AREL1: variants seen among roughly 807,000 people sequenced by gnomAD.
The protein encoded by AREL1 is apoptosis-resistant E3 ubiquitin protein ligase 1.
AREL1 carries 62 observed loss-of-function variants against 99.0 expected under a neutral mutation model. The observed-to-expected ratio is 0.63, with a 90% confidence interval of 0.51 to 0.77. AREL1 has a LOEUF of 0.77. Ranked by LOEUF, AREL1 falls within the 30% of genes least tolerant of loss-of-function variation. The pLI is 0.00. For missense variants in AREL1, 879 were observed against 1,027.6 expected (o/e 0.86, Z 1.98); for synonymous variants, 380 against 376.5 (o/e 1.01, Z -0.11).
chr14:74,688,019 C>CAT (rs1566693658), intron 2 of AREL1, among the ~76,000 whole-genome samples: 5 of 108,704 alleles, frequency 4.6e-5, no homozygotes, highest in South Asian at 2.9e-4. Flanking sequence ...TGAGTACTTA[C>CAT]TTTTTTTTTT....
intron 5 of AREL1, among the ~76,000 whole-genome samples, chr14:74,677,600 G>A (rs551437291): frequency 6.8e-5 from 10 of 146,926 alleles, no homozygotes; most frequent in Admixed American, 2.7e-4. Context: ...TCTGCCTGTC[G>A]GGTTCAAGCG....
intron 8 of AREL1, among the ~76,000 whole-genome samples, chr14:74,674,459 G>A (rs1194562314): frequency 6.6e-6 from 1 of 152,062 alleles, no homozygotes; most frequent in African/African-American, 2.4e-5. Context: ...AAAATTAGCT[G>A]GGTGCGGTAG....
chr14:74,691,960 G>A (rs2089890934), intron 2 of AREL1, 81 bp downstream of exon 2: 1 of 273,884 alleles, frequency 3.7e-6, no homozygotes, highest in South Asian at 3.2e-5. Flanking sequence ...GCTATCCCTT[G>A]CTGAAAAGGC....
rs756935842 is a variant in AREL1, at chr14:74,674,087, G to T, written c.1105C>A (p.Leu369Met). ...TAAAGGCGCCAGGGGATGATCTTCA[G>T]GTAGAACTCCTTCACTGAGAATTGC... ...PKQFSVKEFY[L>M]KIIPWRLYTF... Residue 369 changes from leucine (L) to methionine (M), a missense_variant, in exon 9 of 20, where the codon CTG (leucine) becomes ATG (methionine). Transcript: ENST00000356357. The T allele has an allele frequency of 6.2e-7, 1 of 1,613,766 alleles. No individual in the cohort carries two copies. The highest frequency in any genetic ancestry group is 8.5e-7 in the Non-Finnish European group (1 of 1,179,754).
rs1594767866 is a variant in AREL1, at chr14:74,684,306, G to A, written c.243+148C>T. 4 of 661,854 alleles carry A rather than the reference G, an allele frequency of 6.0e-6. No homozygotes were observed. The East Asian group carries it at 1.1e-4, about 18-fold the overall frequency. The allele number at this position is 661,854 out of a possible 1,614,324, so 41.0% of individuals were successfully genotyped here. A position where few individuals can be genotyped will look rare whatever the true frequency, so the allele number is the denominator to read the frequency against. ...TTAAATCAAAATGACAGAGAAATTTGTGACTCTTCAGATAGTAGCAATTCA... is the reference window on the plus strand; with the variant it reads ...TTAAATCAAAATGACAGAGAAATTTATGACTCTTCAGATAGTAGCAATTCA... On this transcript the variant is annotated intron_variant, in intron 4 of 19. Transcript: ENST00000356357.
chr14:74,685,754 CA>C, intron 2 of AREL1, 94 bp from the exon 3 acceptor site: 3 of 1,063,190 alleles, frequency 2.8e-6, no homozygotes, highest in Non-Finnish European at 4.2e-6. Context: ...GTGAGCCAAA[CA>C]ACTCTCTCTA....
chr14:74,711,636 G>A (rs1053662215), intron 1 of AREL1, among the ~76,000 whole-genome samples: 2 of 152,144 alleles, frequency 1.3e-5, no homozygotes, highest in African/African-American at 4.8e-5. Flanking sequence ...GGTAACAACA[G>A]AAAACACTCT....
At chr14:74,681,207 T>C (rs1040919328) in intron 5 of AREL1, among the ~76,000 whole-genome samples, 45 of 151,882 alleles carry the variant, frequency 3.0e-4, no homozygotes, top group African/African-American at 1.1e-3. Flanking sequence ...AACATTCCTA[T>C]ACCACGTTTG....
chr14:74,677,098 T>C (rs2139894309), intron 5 of AREL1, among the ~76,000 whole-genome samples: 2 of 151,554 alleles, frequency 1.3e-5, no homozygotes, highest in Admixed American at 1.3e-4. Flanking sequence ...CACGCCCGGC[T>C]GGAATCTAAC....
chr14:74,669,614 A>C (rs375603700), intron 15 of AREL1, 35 bp downstream of exon 15: 1 of 1,603,680 alleles, frequency 6.2e-7, no homozygotes, highest in Non-Finnish European at 8.5e-7. Flanking sequence ...GAAACTGGAG[A>C]ACATAGGACC....
intron 7 of AREL1, 40 bp downstream of exon 7, chr14:74,676,101 C>G: frequency 1.3e-6 from 2 of 1,591,666 alleles, no homozygotes; most frequent in Non-Finnish European, 1.7e-6. Flanking sequence ...AAAGAAACGG[C>G]TGAAGAACAG....
At position 74,683,150 on chromosome 14, in the gene AREL1, C is replaced by G; in HGVS notation, c.481+146G>C. ...TGTGATGATGGCTGCATTTAAAGAA[C>G]CATTAAACTGTATACTTTAAAAGGA... On this transcript the variant is annotated intron_variant, in intron 5 of 19. Coordinates refer to ENST00000356357, the MANE Select transcript of AREL1 (RefSeq NM_001039479.2). The G allele has an allele frequency of 4.6e-6, 3 of 654,776 alleles. No homozygotes were observed. The South Asian group carries it at 6.2e-5, about 13-fold the overall frequency. 40.6% of individuals were successfully genotyped at this position (654,776 alleles called of 1,614,324 possible). A position where few individuals can be genotyped will look rare whatever the true frequency, so the allele number is the denominator to read the frequency against.
intron 15 of AREL1, among the ~76,000 whole-genome samples, chr14:74,668,243 A>G (rs1050357075): frequency 1.3e-5 from 2 of 152,234 alleles, no homozygotes; most frequent in African/African-American, 4.8e-5. Context: ...GGTATCCCCC[A>G]ATAAACTCCT....
chr14:74,701,007 G>A (rs2090076328), intron 1 of AREL1, among the ~76,000 whole-genome samples: 2 of 152,126 alleles, frequency 1.3e-5, no homozygotes, highest in Admixed American at 6.6e-5. Context: ...CTATACACTG[G>A]CCACAATATA....
chr14:74,666,025 T>TGCTA, intron 17 of AREL1, among the ~76,000 whole-genome samples: 1 of 152,334 alleles, frequency 6.6e-6, no homozygotes, highest in Admixed American at 6.5e-5. Flanking sequence ...AAAATAACAG[T>TGCTA]GCTAGGTAAC....
intron 1 of AREL1, among the ~76,000 whole-genome samples, chr14:74,709,396 C>T (rs2090242239): frequency 6.6e-6 from 1 of 152,214 alleles, no homozygotes; most frequent in African/African-American, 2.4e-5. Flanking sequence ...ACCTGGACCA[C>T]TTACAGAAAG....
chr14:74,676,438 A>T, intron 6 of AREL1, 117 bp from the exon 7 acceptor site: 1 of 1,426,316 alleles, frequency 7.0e-7, no homozygotes, highest in Non-Finnish European at 9.5e-7. Context: ...AAAATTACTA[A>T]TGAGACAGGT....
Position 74,683,293 on chromosome 14 carries a change from T to C in AREL1, c.481+3A>G. The C allele has an allele frequency of 1.2e-6, 2 of 1,606,826 alleles. No homozygotes were observed. Among genetic ancestry groups the C allele is most frequent in the East Asian group, 2.2e-5 (1 of 44,752 alleles). ...GGGAAAAAGAAAGGAAAAAAGAACCTACCAGGTTGAAAAATTTTGTAGTAG... is the reference window on the plus strand; with the variant it reads ...GGGAAAAAGAAAGGAAAAAAGAACCCACCAGGTTGAAAAATTTTGTAGTAG... On this transcript the variant is annotated splice_donor_region_variant and intron_variant, in intron 5 of 19. Coordinates refer to ENST00000356357, the MANE Select transcript of AREL1 (RefSeq NM_001039479.2).
rs1250811479 is a variant in AREL1, at chr14:74,663,380, C to G, written c.*340G>C. 2 of 343,714 alleles carry G rather than the reference C, an allele frequency of 5.8e-6. No homozygotes were observed. Among genetic ancestry groups the G allele is most frequent in the Non-Finnish European group, 1.1e-5 (2 of 175,714 alleles). The allele number at this position is 343,714 out of a possible 1,614,324, so 21.3% of individuals were successfully genotyped here. ...GAGCACAGTGTGGATTTAAGGGTCT[C>G]CACACCAGTTTCCCAACAGGGCTGA... On this transcript the variant is annotated 3_prime_UTR_variant, in exon 20 of 20. Coordinates refer to ENST00000356357, the MANE Select transcript of AREL1 (RefSeq NM_001039479.2).
Sources: allele counts gnomAD v4.1 joint callset (sites outside exome capture counted in the v4.1 genomes callset), GRCh38; gene constraint gnomAD v4.1.1; transcripts MANE v1.5; gene names NCBI Gene and HGNC (gene_info 2026-07-23, HGNC 2026-07-21).